The following ZZEF1 variants were observed in gnomAD, a reference collection of about 807,000 sequenced individuals.
ZZEF1 encodes the protein zinc finger ZZ-type and EF-hand domain-containing protein 1.
Under a neutral mutation model 342.8 loss-of-function variants are expected in ZZEF1, and 157 were observed. That is an observed-to-expected ratio of 0.46 (90% CI 0.40 to 0.52). The LOEUF is 0.52. ZZEF1 is among the 20% of genes least tolerant of loss of function. The probability of loss-of-function intolerance (pLI) is 0.00; values close to 1 mark genes in which losing one functional copy is unlikely to be tolerated. For missense variants in ZZEF1, 3,480 were observed against 3,725.6 expected, an observed-to-expected ratio of 0.93 and a Z score of 1.72; for synonymous variants, 1,505 against 1,429.1, an observed-to-expected ratio of 1.05 and a Z score of -1.20.
intron 2 of ZZEF1, among the ~76,000 whole-genome samples, chr17:4,121,122 T>G (rs1376251519): frequency 6.6e-6 from 1 of 152,214 alleles, no homozygotes; most frequent in Non-Finnish European, 1.5e-5. Flanking sequence ...ATTTGGACCC[T>G]GATGCTTTCT....
chr17:4,095,744 C>T (rs2058022463), intron 11 of ZZEF1, 87 bp downstream of exon 11: 2 of 1,411,516 alleles, frequency 1.4e-6, no homozygotes, highest in African/African-American at 1.4e-5. Context: ...AAGCACAGTT[C>T]ACCAATGAGC....
intron 18 of ZZEF1, among the ~76,000 whole-genome samples, chr17:4,078,532 G>A (rs940927006): frequency 6.6e-6 from 1 of 152,232 alleles, no homozygotes; most frequent in Non-Finnish European, 1.5e-5. Flanking sequence ...AGGCAATACA[G>A]ATGTGCTGGG....
At position 4,088,689 on chromosome 17, in the gene ZZEF1, C is replaced by T. The variant is rs1453475920; in HGVS notation, c.2230G>A (p.Ala744Thr). Residue 744 changes from alanine to threonine, a missense_variant, in exon 13 of 55, where the codon GCC becomes ACC. This residue lies in a region of ZZEF1 where 1,528 missense variants were observed against 1,624.1 expected (regional missense o/e 0.94). Coordinates refer to ENST00000381638, the MANE Select transcript of ZZEF1 (RefSeq NM_015113.4). ...TGAGGAAGCCCTACCAGGTCATGGG[C>T]GAGCTGCTGGATAAACTGAAGGGTC... is the stretch of plus-strand genomic sequence containing the variant. ...LRTLQFIQQL[A>T]HDLVQQKESG... is the part of the protein sequence containing the mutation. 1.2e-6 allele frequency: 2 copies of T among 1,613,748 alleles called. No homozygotes were observed. Among genetic ancestry groups the T allele is most frequent in the South Asian group, 1.1e-5 (1 of 91,064 alleles).
Position 4,125,791 on chromosome 17 carries a change from G to C in ZZEF1, c.355-1740C>G, listed in dbSNP as rs137870012. Among the ~76,000 whole-genome samples the C allele has an allele frequency of 6.5e-3, 992 of 152,286 alleles. 14 individuals carry two copies. The highest frequency in any genetic ancestry group is 0.023 in the African/African-American group (938 of 41,558). ...CTGTTGGGGGAATCTTAAGTGCAGA[G>C]AAAAGAGGCCTGGGAGTCACACAGT... On this transcript the variant is annotated intron_variant, in intron 1 of 54. Coordinates refer to ENST00000381638, the MANE Select transcript of ZZEF1 (RefSeq NM_015113.4).
intron 40 of ZZEF1, 188 bp from the exon 41 acceptor site, chr17:4,033,190 TTACA>T (rs1223551849): frequency 1.6e-5 from 9 of 567,954 alleles, no homozygotes; most frequent in African/African-American, 1.5e-4. Flanking sequence ...GACTTGTTAC[TTACA>T]TACTCACCCT....
intron 1 of ZZEF1, among the ~76,000 whole-genome samples, chr17:4,140,288 T>C (rs1451539043): frequency 6.6e-6 from 1 of 152,330 alleles, no homozygotes; most frequent in South Asian, 2.1e-4. Flanking sequence ...CTTTGAACTT[T>C]TGTGGATACA....
At position 4,006,690 on chromosome 17, in the gene ZZEF1, T is replaced by C; in HGVS notation, c.*200A>G. 1.6e-6 allele frequency: 1 copy of C among 640,870 alleles called. No individual in the cohort carries two copies. Among genetic ancestry groups the C allele is most frequent in the African/African-American group, 1.8e-5 (1 of 55,408 alleles). The allele number at this position is 640,870 out of a possible 1,614,324, so 39.7% of individuals were successfully genotyped here. A position where few individuals can be genotyped will look rare whatever the true frequency, so the allele number is the denominator to read the frequency against. On this transcript the variant is annotated 3_prime_UTR_variant, in exon 55 of 55. Transcript: ENST00000381638. ...GCATTCTGCACTGCTTGGCTTATTT[T>C]CACCATGCTACAGCCTGTGCTTGTG...
At chr17:4,133,048 C>G (rs559842596) in intron 1 of ZZEF1, among the ~76,000 whole-genome samples, 62 of 152,194 alleles carry the variant, frequency 4.1e-4, no homozygotes, top group African/African-American at 1.4e-3. Flanking sequence ...GCGGTGGGAA[C>G]GCTACACTAC....
chr17:4,042,217 T>C (rs1269754893), intron 39 of ZZEF1, among the ~76,000 whole-genome samples: 1 of 151,832 alleles, frequency 6.6e-6, no homozygotes, highest in Non-Finnish European at 1.5e-5. Flanking sequence ...AAAAAATCAT[T>C]ATAAGCATTA....
In ZZEF1 at chr17:4,107,167, T is replaced by C. The variant is rs1463776740; in HGVS notation, c.1278-1358A>G. ...TCCTCATTGATATTTTTTCAATAAA[T>C]CTTTAATTTTAAAATAGATTTAGAT... is the stretch of plus-strand genomic sequence containing the variant. On this transcript the variant is annotated intron_variant, in intron 6 of 54. Coordinates refer to ENST00000381638, the MANE Select transcript of ZZEF1 (RefSeq NM_015113.4). 2.0e-5 allele frequency among the ~76,000 whole-genome samples: 3 copies of C among 152,248 alleles called. No individual in the cohort carries two copies. In the East Asian group the frequency reaches 5.8e-4, roughly 29 times the overall value.
chr17:4,016,290 C>T lies in ZZEF1; in HGVS notation c.8145+33G>A, dbSNP rs201565647. 1,328 of 1,591,088 alleles carry T rather than the reference C, an allele frequency of 8.3e-4. 10 individuals carry two copies. The Middle Eastern group carries it at 0.021, about 25-fold the overall frequency. ...GCTGACGAGGTCTCTGCGGCTCAGT[C>T]GCTCTTATGGGGCCTGCCGGCCCCA... On this transcript the variant is annotated intron_variant, in intron 49 of 54. Transcript: ENST00000381638. The surrounding 1 kb of genome is among the most constrained non-coding windows in gnomAD (Gnocchi z 4.4).
chr17:4,015,809 T>C (rs1451899210), intron 49 of ZZEF1, among the ~76,000 whole-genome samples: 1 of 152,178 alleles, frequency 6.6e-6, no homozygotes, highest in African/African-American at 2.4e-5. Context: ...TCAATGAGAA[T>C]AACGGAGGCT....
At chr17:4,113,563 G>A (rs1235441971) in intron 4 of ZZEF1, among the ~76,000 whole-genome samples, 3 of 152,048 alleles carry the variant, frequency 2.0e-5, no homozygotes, top group Non-Finnish European at 4.4e-5. Flanking sequence ...CACCCAGGAG[G>A]CTGAGGCAGG....
chr17:4,105,893 A>G (rs1182347234), intron 6 of ZZEF1, 84 bp from the exon 7 acceptor site: 3 of 1,080,198 alleles, frequency 2.8e-6, no homozygotes, highest in South Asian at 3.0e-5. Context: ...GCTTGTTTTG[A>G]CTAATCCCTT....
At chr17:4,032,385 T>C in intron 41 of ZZEF1, 127 bp from the exon 42 acceptor site, 4 of 1,039,962 alleles carry the variant, frequency 3.8e-6, no homozygotes, top group East Asian at 2.6e-5. Context: ...ATAGGGATCT[T>C]CTCATCTCTA....
At chr17:4,131,487 G>GA (rs35157151) in intron 1 of ZZEF1, among the ~76,000 whole-genome samples, 137,734 of 150,516 alleles carry the variant, frequency 0.92, 64,291 homozygotes, top group East Asian at 1. Context: ...AGATGTATAA[G>GA]AAAAAAAAAG....
chr17:4,028,488 G>A (rs915838950), intron 42 of ZZEF1, among the ~76,000 whole-genome samples: 2 of 150,740 alleles, frequency 1.3e-5, no homozygotes, highest in African/African-American at 4.9e-5. Context: ...GGTGGAGGTT[G>A]CAGTGAGCCG....
intron 1 of ZZEF1, among the ~76,000 whole-genome samples, chr17:4,135,759 T>G (rs1284037228): frequency 6.6e-6 from 1 of 152,054 alleles, no homozygotes; most frequent in East Asian, 1.9e-4. Flanking sequence ...CCTTCTCCAT[T>G]CTTTCCACCA....
chr17:4,062,871 G>C lies in ZZEF1; in HGVS notation c.4765C>G (p.Leu1589Val). The C allele has an allele frequency of 6.2e-7, 1 of 1,613,170 alleles. No individual in the cohort carries two copies. Among genetic ancestry groups the C allele is most frequent in the Non-Finnish European group, 8.5e-7 (1 of 1,179,728 alleles). The change falls in exon 30 of 55, where the codon CTG becomes GTG. Residue 1589 changes from leucine to valine, a missense_variant. By Grantham distance (32) the Leu-to-Val change is conservative. Around this residue, in one of 5 missense-constraint regions of ZZEF1, gnomAD observed 1,528 missense variants for 1,624.1 expected, o/e 0.94. Coordinates refer to ENST00000381638, the MANE Select transcript of ZZEF1 (RefSeq NM_015113.4). Reference sequence around the variant, plus strand: ...TGCTGAGTTATCTTCAGGACTTCCAGGATGCTCTGGGCCTGGGCTTTCCTC... The same window carrying C: ...TGCTGAGTTATCTTCAGGACTTCCACGATGCTCTGGGCCTGGGCTTTCCTC... ...SLRKAQAQSILEVLKITQHCA... is the reference protein window; with the variant it reads ...SLRKAQAQSIVEVLKITQHCA...
Sources: allele counts gnomAD v4.1 joint callset (sites outside exome capture counted in the v4.1 genomes callset), GRCh38; gene constraint gnomAD v4.1.1; regional missense constraint gnomAD v4.1.1; non-coding constraint Gnocchi (gnomAD v3.1); transcripts MANE v1.5; gene names NCBI Gene and HGNC (gene_info 2026-07-23, HGNC 2026-07-21).